XKR9: variants seen among roughly 807,000 people sequenced by gnomAD.
The protein encoded by XKR9 is XK related 9.
XKR9 carries 32 observed loss-of-function variants against 32.0 expected under a neutral mutation model. That is an observed-to-expected ratio of 1.00 (90% CI 0.76 to 1.34). The LOEUF is 1.34. Ranked by LOEUF, XKR9 falls within the 40% of genes most tolerant of loss-of-function variation. The pLI is 0.00. For synonymous variants in XKR9, 168 were observed against 143.4 expected (o/e 1.17, Z -1.22); for missense variants, 546 against 429.7 (o/e 1.27, Z -2.39).
At chr8:70,922,638 A>G in the XKR9 span, among the ~76,000 whole-genome samples, 3 of 152,250 alleles carry the variant, frequency 2.0e-5, no homozygotes, top group African/African-American at 7.2e-5. Context: ...TAGCTTCTTT[A>G]TCTGACAGAG....
the XKR9 span, among the ~76,000 whole-genome samples, chr8:71,025,226 G>A: frequency 1.3e-5 from 2 of 152,158 alleles, no homozygotes; most frequent in African/African-American, 2.4e-5. Flanking sequence ...TCCTGGAGAC[G>A]AAATGAGTTA....
the XKR9 span, among the ~76,000 whole-genome samples, chr8:71,056,364 G>C: frequency 6.6e-6 from 1 of 151,842 alleles, no homozygotes; most frequent in East Asian, 1.9e-4. Context: ...TTTCATGAAG[G>C]AAAAAGGAAT....
At chr8:70,837,503 T>C in the XKR9 span, among the ~76,000 whole-genome samples, 1 of 152,178 alleles carries the variant, frequency 6.6e-6, no homozygotes, top group Admixed American at 6.6e-5. Flanking sequence ...GGAAACATTT[T>C]GGGAGCAGGA....
the XKR9 span, among the ~76,000 whole-genome samples, chr8:70,892,138 A>T: frequency 1.3e-5 from 2 of 152,104 alleles, no homozygotes; most frequent in South Asian, 2.1e-4. Context: ...TTCAGTCTAT[A>T]TGTGTCTTTT....
At chr8:71,029,540 G>T in the XKR9 span, among the ~76,000 whole-genome samples, 1 of 152,072 alleles carries the variant, frequency 6.6e-6, no homozygotes, top group African/African-American at 2.4e-5. Context: ...TGCCAGTAGA[G>T]CAAAGGTATT....
chr8:70,787,497 G>A (rs1807703690), intron 2 of XKR9, among the ~76,000 whole-genome samples: 1 of 152,114 alleles, frequency 6.6e-6, no homozygotes, highest in African/African-American at 2.4e-5. Context: ...CCTGAGGAGA[G>A]TGAACGGGGT....
intron 3 of XKR9, among the ~76,000 whole-genome samples, chr8:70,686,894 A>T (rs1235095155): frequency 6.6e-6 from 1 of 152,162 alleles, no homozygotes; most frequent in Non-Finnish European, 1.5e-5. Flanking sequence ...TATATAATGT[A>T]TGATAATCAC....
chr8:70,904,756 T>A, the XKR9 span, among the ~76,000 whole-genome samples: 2 of 151,932 alleles, frequency 1.3e-5, no homozygotes, highest in Non-Finnish European at 2.9e-5. Context: ...GAGTGGCTGG[T>A]ACTGGTTGTT....
At position 70,761,282 on chromosome 8, in the gene XKR9, C is replaced by A. The variant is rs1037228384; in HGVS notation, n.353-28057C>A. Among the ~76,000 whole-genome samples, 4 of 152,316 alleles carry A rather than the reference C, an allele frequency of 2.6e-5. 1 individual carries two copies. Among genetic ancestry groups the A allele is most frequent in the Admixed American group, 2.6e-4 (4 of 15,304 alleles). Reference sequence around the variant, plus strand: ...TTCTGTCTCTAGGTGTTTGAGGAATCACCACACTGTCTTCCACAATGGTTG... The same window carrying A: ...TTCTGTCTCTAGGTGTTTGAGGAATAACCACACTGTCTTCCACAATGGTTG... On this transcript the variant is annotated intron_variant and non_coding_transcript_variant, in intron 2 of 3. Transcript: ENST00000520273.
chr8:70,836,120 T>C, the XKR9 span, among the ~76,000 whole-genome samples: 1 of 152,216 alleles, frequency 6.6e-6, no homozygotes, highest in East Asian at 1.9e-4. Flanking sequence ...TTTTGGTGCA[T>C]TTGATGTCTG....
chr8:70,748,706 C>G (rs1807092880), intron 2 of XKR9, among the ~76,000 whole-genome samples: 2 of 152,184 alleles, frequency 1.3e-5, no homozygotes, highest in African/African-American at 4.8e-5. Flanking sequence ...ACCTTCTAGC[C>G]AGGGACAGCC....
At chr8:71,041,133 G>A in the XKR9 span, among the ~76,000 whole-genome samples, 1 of 152,080 alleles carries the variant, frequency 6.6e-6, no homozygotes, top group South Asian at 2.1e-4. Flanking sequence ...TAAAGAAAAA[G>A]GTTTGAAGTT....
chr8:70,982,918 A>G, the XKR9 span, among the ~76,000 whole-genome samples: 2 of 152,096 alleles, frequency 1.3e-5, no homozygotes, highest in Non-Finnish European at 2.9e-5. Context: ...ATTGGGACTA[A>G]TTTTTATTCT....
intron 2 of XKR9, among the ~76,000 whole-genome samples, chr8:70,742,120 A>AGG (rs1806995354): frequency 3.3e-5 from 5 of 152,094 alleles, no homozygotes; most frequent in African/African-American, 1.2e-4. Flanking sequence ...AACTCTCTAT[A>AGG]TTTAATTAAG....
the XKR9 span, among the ~76,000 whole-genome samples, chr8:71,012,115 TG>T: frequency 3.9e-5 from 6 of 152,204 alleles, no homozygotes; most frequent in African/African-American, 1.4e-4. Context: ...AGCACTGTGC[TG>T]GGGACAGCAG....
the XKR9 span, among the ~76,000 whole-genome samples, chr8:70,904,409 G>A: frequency 6.6e-6 from 1 of 152,004 alleles, no homozygotes; most frequent in Admixed American, 6.5e-5. Context: ...TTGGTTTAAA[G>A]TCTCTTTTGT....
chr8:70,850,481 AAAAG>A, the XKR9 span, among the ~76,000 whole-genome samples: 1,449 of 140,070 alleles, frequency 0.01, 25 homozygotes, highest in Middle Eastern at 0.027. Flanking sequence ...AAAAAAAAAA[AAAAG>A]AAAGAAAATT....
At chr8:71,019,548 C>T in the XKR9 span, among the ~76,000 whole-genome samples, 1 of 152,212 alleles carries the variant, frequency 6.6e-6, no homozygotes, top group Admixed American at 6.5e-5. Context: ...TCAGCCTCTT[C>T]ACTTTCCTTT....
At chr8:70,742,412 C>G (rs1053825244) in intron 2 of XKR9, among the ~76,000 whole-genome samples, 4 of 152,318 alleles carry the variant, frequency 2.6e-5, no homozygotes, top group African/African-American at 7.2e-5. Flanking sequence ...AGAAGTTAAG[C>G]TGCTTGGCAG....
Sources: allele counts gnomAD v4.1 joint callset (sites outside exome capture counted in the v4.1 genomes callset), GRCh38; gene constraint gnomAD v4.1.1; transcripts MANE v1.5; gene names NCBI Gene and HGNC (gene_info 2026-07-23, HGNC 2026-07-21).